The following LHFPL1 variants were observed in gnomAD, a reference collection of about 807,000 sequenced individuals.
LHFPL1 encodes the protein LHFPL tetraspan subfamily member 1, also known as LHFPL tetraspan subfamily member 1 protein.
A neutral mutation model predicts 12.1 loss-of-function variants in LHFPL1; 4 were observed. The observed-to-expected ratio is 0.33, with a 90% CI of 0.16 to 0.76. The LOEUF is 0.76. Ranked by LOEUF, LHFPL1 falls within the 30% of genes least tolerant of loss-of-function variation. The pLI is 0.61. For synonymous variants in LHFPL1, 52 were observed against 61.9 expected, an observed-to-expected ratio of 0.84 and a Z score of 0.75; for missense variants, 141 against 174.1, an observed-to-expected ratio of 0.81 and a Z score of 1.07.
chrX:112,666,823 G>A (rs928514050), intron 2 of LHFPL1, among the ~76,000 whole-genome samples: 5 of 111,236 alleles, frequency 4.5e-5, no homozygotes, highest in African/African-American at 6.6e-5. Flanking sequence ...TAATCCAAGC[G>A]GTTCATGGAC....
intron 3 of LHFPL1, among the ~76,000 whole-genome samples, chrX:112,640,178 T>G (rs906916784): frequency 1.8e-5 from 2 of 110,574 alleles, no homozygotes; most frequent in Non-Finnish European, 3.8e-5. Flanking sequence ...ACAAACTAGA[T>G]GAGTGAAAGG....
chrX:112,631,750 T>C (rs760805583), intron 3 of LHFPL1, 149 bp from the exon 4 acceptor site: 2 of 386,271 alleles, frequency 5.2e-6, no homozygotes, highest in African/African-American at 5.1e-5. Context: ...AAACAGCGAA[T>C]GTCCCTGGGC....
intron 2 of LHFPL1, among the ~76,000 whole-genome samples, chrX:112,666,243 C>T (rs778653154): frequency 9.0e-6 from 1 of 111,670 alleles, no homozygotes; most frequent in Non-Finnish European, 1.9e-5. Context: ...GGAAAATTTA[C>T]AAGCCTGACT....
At chrX:112,660,443 A>G (rs1312245724) in intron 3 of LHFPL1, among the ~76,000 whole-genome samples, 184 bp downstream of exon 3, 1 of 112,182 alleles carries the variant, frequency 8.9e-6, no homozygotes, top group African/African-American at 3.2e-5. Context: ...AATTGTATGG[A>G]GAGATAGTTA....
chrX:112,640,606 C>T (rs1930474224), intron 3 of LHFPL1, among the ~76,000 whole-genome samples: 1 of 111,665 alleles, frequency 9.0e-6, no homozygotes, highest in African/African-American at 3.3e-5. Flanking sequence ...TAGATAAAGG[C>T]GTTGATGTGC....
chrX:112,668,551 T>C (rs1931400860), intron 2 of LHFPL1, among the ~76,000 whole-genome samples: 1 of 112,924 alleles, frequency 8.9e-6, no homozygotes, highest in Non-Finnish European at 1.9e-5. Context: ...AAGACCCTCA[T>C]CTACATGTGA....
rs149585009 is a variant in LHFPL1 at position 112,661,951 on chromosome X, G to C, written c.383-1226C>G. Among the ~76,000 whole-genome samples, 80 of 112,273 alleles carry C rather than the reference G, an allele frequency of 7.1e-4. 3 individuals carry two copies. The East Asian group carries it at 9.8e-3, about 14-fold the overall frequency. On this transcript the variant is annotated intron_variant, in intron 2 of 3. Coordinates refer to ENST00000371968, the MANE Select transcript of LHFPL1 (RefSeq NM_178175.4). ...AGCTGAGCAAACTGATTGGTAGAGG[G>C]AGAGAATAGAGGAGAATAGTGACAT...
At chrX:112,671,553 T>A in intron 1 of LHFPL1, 149 bp from the exon 2 acceptor site, 2 of 1,122,081 alleles carry the variant, frequency 1.8e-6, no homozygotes, top group Non-Finnish European at 2.3e-6. Context: ...GATTATTCTC[T>A]CGAGGACCAT....
At position 112,631,356 on chromosome X, in the gene LHFPL1, C is replaced by T; in HGVS notation, c.*64G>A. 1 of 1,039,619 alleles carries T rather than the reference C, an allele frequency of 9.6e-7. No homozygotes were observed. The allele number at this position is 1,039,619 out of a possible 1,213,427, so 85.7% of individuals were successfully genotyped here. On this transcript the variant is annotated 3_prime_UTR_variant, in exon 4 of 4. Transcript: ENST00000371968. ...CAGTCAGATGACAAATGGCCTAATCCTTAGTACCTCTTTTCAGGGCTCCCT... is the reference window on the plus strand; with the variant it reads ...CAGTCAGATGACAAATGGCCTAATCTTTAGTACCTCTTTTCAGGGCTCCCT...
At chrX:112,671,913 C>T (rs1469146247) in intron 1 of LHFPL1, among the ~76,000 whole-genome samples, 4 of 111,489 alleles carry the variant, frequency 3.6e-5, no homozygotes, top group Non-Finnish European at 7.5e-5. Flanking sequence ...CAAGACCCGC[C>T]CCTACTATAA....
chrX:112,648,416 AT>A (rs1163196275), intron 3 of LHFPL1, among the ~76,000 whole-genome samples: 1 of 111,921 alleles, frequency 8.9e-6, no homozygotes, highest in Non-Finnish European at 1.9e-5. Flanking sequence ...AAAATGCCAC[AT>A]TTCTCTGAAC....
intron 3 of LHFPL1, among the ~76,000 whole-genome samples, chrX:112,637,100 CTCTA>C (rs765037401): frequency 1.1e-4 from 12 of 112,018 alleles, no homozygotes; most frequent in Non-Finnish European, 1.9e-4. Context: ...ATTTCTAACA[CTCTA>C]TCTGTGAGTC....
chrX:112,677,680 T>G (rs1202840175), intron 1 of LHFPL1, among the ~76,000 whole-genome samples: 1 of 108,459 alleles, frequency 9.2e-6, no homozygotes, highest in Non-Finnish European at 1.9e-5. Context: ...AAAAAAATAC[T>G]GCTACTCCCC....
intron 3 of LHFPL1, among the ~76,000 whole-genome samples, chrX:112,660,025 A>T (rs1931130681): frequency 1.8e-5 from 2 of 112,144 alleles, no homozygotes; most frequent in Non-Finnish European, 3.8e-5. Context: ...TCATCATGAT[A>T]GGTGGGGGAA....
chrX:112,654,358 G>T (rs963278129), intron 3 of LHFPL1, among the ~76,000 whole-genome samples: 17 of 110,959 alleles, frequency 1.5e-4, no homozygotes, highest in African/African-American at 5.5e-4. Flanking sequence ...CCCTCACAGA[G>T]CATGTTATTA....
intron 3 of LHFPL1, among the ~76,000 whole-genome samples, chrX:112,651,121 A>C (rs1197602549): frequency 8.9e-6 from 1 of 111,857 alleles, no homozygotes; most frequent in Non-Finnish European, 1.9e-5. Flanking sequence ...TGATTGCCCA[A>C]TCTTTATACA....
chrX:112,647,890 C>T (rs771302554), intron 3 of LHFPL1, among the ~76,000 whole-genome samples: 1 of 111,847 alleles, frequency 8.9e-6, no homozygotes, highest in South Asian at 3.8e-4. Flanking sequence ...TTTATTGCAG[C>T]ATTATTCACA....
intron 3 of LHFPL1, among the ~76,000 whole-genome samples, chrX:112,640,283 A>G (rs759314400): frequency 1.1e-4 from 12 of 111,319 alleles, no homozygotes; most frequent in Non-Finnish European, 1.7e-4. Flanking sequence ...GAGATATCAA[A>G]TCCAGTTGAA....
chrX:112,642,421 T>C (rs1930539601), intron 3 of LHFPL1, among the ~76,000 whole-genome samples: 1 of 104,958 alleles, frequency 9.5e-6, no homozygotes, highest in Non-Finnish European at 2.0e-5. Flanking sequence ...TGCCCAGGCA[T>C]TAACTGGAAG....
Sources: gnomAD v4.1 joint callset for allele counts (sites outside exome capture counted in the v4.1 genomes callset) on GRCh38, gnomAD v4.1.1 for gene constraint, MANE v1.5 for transcripts, NCBI Gene and HGNC (gene_info 2026-07-23, HGNC 2026-07-21) for gene names.